Variants in GRIK1 observed in about 807,000 individuals in gnomAD.
GRIK1 encodes glutamate receptor ionotropic, kainate 1.
In GRIK1, 69 loss-of-function variants were observed where a neutral mutation model predicts 105.7. The observed-to-expected ratio is 0.65, with a 90% CI of 0.54 to 0.80. The LOEUF (loss-of-function observed/expected upper bound fraction) is 0.80. GRIK1 is among the 30% of genes least tolerant of loss of function. GRIK1 has a pLI of 0.00. For synonymous variants in GRIK1, 438 were observed against 431.3 expected, an observed-to-expected ratio of 1.02 and a Z score of -0.19; for missense variants, 1,109 against 1,167.3, an observed-to-expected ratio of 0.95 and a Z score of 0.73.
intron 12 of GRIK1, among the ~76,000 whole-genome samples, chr21:29,585,559 A>G (rs2091112807): frequency 6.6e-6 from 1 of 152,168 alleles, no homozygotes; most frequent in African/African-American, 2.4e-5. Flanking sequence ...AGAGCCTCAG[A>G]CTGCAAAATA....
At chr21:29,803,396 T>C (rs1308298208) in intron 1 of GRIK1, among the ~76,000 whole-genome samples, 1 of 152,158 alleles carries the variant, frequency 6.6e-6, no homozygotes, top group Non-Finnish European at 1.5e-5. Context: ...CATAAGCAAA[T>C]GAACATGTCA....
chr21:29,811,711 C>A (rs954516456), intron 1 of GRIK1, among the ~76,000 whole-genome samples: 1 of 152,108 alleles, frequency 6.6e-6, no homozygotes, highest in African/African-American at 2.4e-5. Context: ...AAAATCCTCC[C>A]GTGACTTCCT....
intron 6 of GRIK1, among the ~76,000 whole-genome samples, chr21:29,649,528 G>C (rs1408212848): frequency 1.3e-5 from 2 of 152,154 alleles, no homozygotes; most frequent in Non-Finnish European, 2.9e-5. Context: ...CTGCCCAGGG[G>C]ATTACCGTTA....
At chr21:29,872,566 A>G (rs1429134026) in intron 1 of GRIK1, among the ~76,000 whole-genome samples, 2 of 152,170 alleles carry the variant, frequency 1.3e-5, no homozygotes, top group East Asian at 1.9e-4. Context: ...ACCCTGTATT[A>G]GTCTGTTCTC....
intron 14 of GRIK1, among the ~76,000 whole-genome samples, chr21:29,565,320 A>T (rs1402962639): frequency 2.0e-5 from 3 of 152,198 alleles, no homozygotes; most frequent in African/African-American, 7.2e-5. Flanking sequence ...GCTACTTGGG[A>T]TGCTAGGGAA....
chr21:29,645,820 A>G (rs2062606839), intron 6 of GRIK1, among the ~76,000 whole-genome samples: 1 of 152,202 alleles, frequency 6.6e-6, no homozygotes, highest in Non-Finnish European at 1.5e-5. Flanking sequence ...GTATATCTAA[A>G]GCCTGGATGA....
chr21:29,599,103 G>A (rs186096049), intron 7 of GRIK1, among the ~76,000 whole-genome samples, 166 bp from the exon 8 acceptor site: 2 of 152,126 alleles, frequency 1.3e-5, no homozygotes, highest in South Asian at 2.1e-4. Flanking sequence ...AGAACACATC[G>A]TCTTTTTATT....
intron 1 of GRIK1, 53 bp from the exon 2 acceptor site, chr21:29,694,116 AATT>A: frequency 1.6e-6 from 1 of 632,258 alleles, no homozygotes; most frequent in Non-Finnish European, 2.3e-6. Flanking sequence ...GTTCACATGT[AATT>A]TTTTTTTTTT....
intron 1 of GRIK1, among the ~76,000 whole-genome samples, chr21:29,931,532 C>T (rs542775175): frequency 6.6e-6 from 1 of 152,278 alleles, no homozygotes; most frequent in South Asian, 2.1e-4. Flanking sequence ...TTCTGCTGAG[C>T]AGATTTGCCT....
At chr21:29,819,891 C>T (rs1457854162) in intron 1 of GRIK1, among the ~76,000 whole-genome samples, 1 of 152,032 alleles carries the variant, frequency 6.6e-6, no homozygotes, top group Non-Finnish European at 1.5e-5. Context: ...CCATCAAGCC[C>T]TCAAACTGGA....
chr21:29,577,038 C>A lies in GRIK1; in HGVS notation c.2056G>T (p.Ala686Ser). The A allele has an allele frequency of 6.2e-7, 1 of 1,613,684 alleles. No homozygotes were observed. The highest frequency in any genetic ancestry group is 8.5e-7 in the Non-Finnish European group (1 of 1,179,672). ...TTGGTTTGCTTTGCCAGATCATCTG[C>A]CGAATCTATGGGGGATTCCATTCTC... is the stretch of plus-strand genomic sequence containing the variant. ...VERMESPIDS[A>S]DDLAKQTKIE... The change falls in exon 14 of 18, where the codon GCA becomes TCA. Residue 686 changes from alanine to serine, a missense_variant. Transcript: ENST00000327783.
intron 1 of GRIK1, among the ~76,000 whole-genome samples, chr21:29,785,230 T>C (rs566033688): frequency 1.3e-5 from 2 of 152,308 alleles, no homozygotes; most frequent in Admixed American, 6.5e-5. Context: ...CCTAATGCCA[T>C]GCTTAAGTTG....
chr21:29,570,224 T>C (rs1282025289), intron 14 of GRIK1, among the ~76,000 whole-genome samples: 3 of 152,272 alleles, frequency 2.0e-5, no homozygotes, highest in East Asian at 1.9e-4. Context: ...TTAAATAGTC[T>C]GGGCATGGTG....
chr21:29,844,956 C>G (rs1471147866), intron 1 of GRIK1, among the ~76,000 whole-genome samples: 1 of 152,086 alleles, frequency 6.6e-6, no homozygotes, highest in African/African-American at 2.4e-5. Flanking sequence ...CTTTTTCTTG[C>G]TTTCAAAATT....
chr21:29,741,789 C>G (rs2146939166), intron 1 of GRIK1, among the ~76,000 whole-genome samples: 1 of 152,238 alleles, frequency 6.6e-6, no homozygotes, highest in South Asian at 2.1e-4. Context: ...TCATTGGGGA[C>G]TTTACATGTT....
intron 5 of GRIK1, among the ~76,000 whole-genome samples, chr21:29,652,123 A>T (rs2062751312): frequency 6.6e-6 from 1 of 152,136 alleles, no homozygotes; most frequent in Admixed American, 6.6e-5. Flanking sequence ...CCTTTGGGGT[A>T]TTTTGAAGAA....
chr21:29,886,463 C>T (rs2069633330), intron 1 of GRIK1, among the ~76,000 whole-genome samples: 2 of 152,044 alleles, frequency 1.3e-5, no homozygotes, highest in South Asian at 2.1e-4. Context: ...ACACTTCTGT[C>T]AGGAAGAAAA....
At chr21:29,818,923 C>T (rs2067226777) in intron 1 of GRIK1, among the ~76,000 whole-genome samples, 2 of 152,050 alleles carry the variant, frequency 1.3e-5, no homozygotes, top group Non-Finnish European at 2.9e-5. Context: ...ACTAGCCTGG[C>T]ATAGCAGGGA....
At chr21:29,911,937 A>T (rs2070832248) in intron 1 of GRIK1, among the ~76,000 whole-genome samples, 1 of 152,130 alleles carries the variant, frequency 6.6e-6, no homozygotes, top group African/African-American at 2.4e-5. Context: ...ATTTTATATC[A>T]TTATATTGTG....
Sources: allele counts gnomAD v4.1 joint callset (sites outside exome capture counted in the v4.1 genomes callset), GRCh38; gene constraint gnomAD v4.1.1; transcripts MANE v1.5; gene names NCBI Gene and HGNC (gene_info 2026-07-23, HGNC 2026-07-21).